KCNJ6: variants seen among roughly 807,000 people sequenced by gnomAD.
KCNJ6 encodes G protein-activated inward rectifier potassium channel 2.
A neutral mutation model predicts 34.2 loss-of-function variants in KCNJ6; 9 were observed. The ratio of observed to expected loss-of-function variants is 0.26; its 90% confidence interval spans 0.16 to 0.46. KCNJ6 has a LOEUF of 0.46. KCNJ6 is among the 20% of genes least tolerant of loss of function. KCNJ6 has a pLI of 1.00. For synonymous variants in KCNJ6, 196 were observed against 207.1 expected (o/e 0.95, Z 0.46); for missense variants, 236 against 531.3 (o/e 0.44, Z 5.46).
chr21:37,909,313 T>TAAAAAC (rs796858575), intron 1 of KCNJ6, among the ~76,000 whole-genome samples: 44 of 151,968 alleles, frequency 2.9e-4, no homozygotes, highest in African/African-American at 9.2e-4. Flanking sequence ...AATAAATGAA[T>TAAAAAC]AAAAACATCT....
chr21:37,636,493 C>T (rs930713808), intron 3 of KCNJ6, among the ~76,000 whole-genome samples: 1 of 152,210 alleles, frequency 6.6e-6, no homozygotes, highest in African/African-American at 2.4e-5. Context: ...CCTAGTTATT[C>T]TTCCAAGAGT....
chr21:37,758,021 TG>T (rs1324497204), intron 2 of KCNJ6, among the ~76,000 whole-genome samples: 2 of 152,152 alleles, frequency 1.3e-5, no homozygotes, highest in African/African-American at 4.8e-5. Context: ...AGGGTGTCAC[TG>T]GGTGGGTTGA....
chr21:37,882,203 T>C (rs769796555), intron 1 of KCNJ6, among the ~76,000 whole-genome samples: 1 of 152,190 alleles, frequency 6.6e-6, no homozygotes, highest in African/African-American at 2.4e-5. Context: ...GGATGGTTTT[T>C]CTGTCCTGTT....
intron 1 of KCNJ6, among the ~76,000 whole-genome samples, chr21:37,868,236 A>C (rs115172747): frequency 6.6e-6 from 1 of 152,216 alleles, no homozygotes; most frequent in Non-Finnish European, 1.5e-5. Context: ...ATTAATATAC[A>C]TGACTACAGC....
chr21:37,762,749 C>T (rs934058144), intron 2 of KCNJ6, among the ~76,000 whole-genome samples: 3 of 152,096 alleles, frequency 2.0e-5, no homozygotes, highest in Non-Finnish European at 4.4e-5. Flanking sequence ...AGCTGTGGCT[C>T]CCAGGCCAGC....
intron 2 of KCNJ6, among the ~76,000 whole-genome samples, chr21:37,741,841 T>G (rs2054942705): frequency 1.3e-5 from 2 of 152,230 alleles, no homozygotes; most frequent in South Asian, 4.1e-4. Context: ...AAGCCTTTCC[T>G]CATGGTCCCT....
At chr21:37,644,815 T>C (rs971228333) in intron 3 of KCNJ6, among the ~76,000 whole-genome samples, 7 of 152,176 alleles carry the variant, frequency 4.6e-5, no homozygotes, top group African/African-American at 1.7e-4. Context: ...TAATAGCCTG[T>C]CAAAAGGAAA....
intron 3 of KCNJ6, among the ~76,000 whole-genome samples, chr21:37,662,072 G>A (rs1482852680): frequency 2.6e-5 from 4 of 152,116 alleles, no homozygotes; most frequent in Non-Finnish European, 4.4e-5. Context: ...TTGCAGTCTT[G>A]TGATCAGAGA....
At chr21:37,808,755 G>A (rs189897316) in intron 2 of KCNJ6, among the ~76,000 whole-genome samples, 1 of 152,276 alleles carries the variant, frequency 6.6e-6, no homozygotes, top group East Asian at 1.9e-4. Flanking sequence ...ACATACAAAG[G>A]GGCATTGGCT....
At chr21:37,888,832 A>G (rs2055748225) in intron 1 of KCNJ6, among the ~76,000 whole-genome samples, 1 of 152,252 alleles carries the variant, frequency 6.6e-6, no homozygotes, top group Non-Finnish European at 1.5e-5. Flanking sequence ...GTGCACCAGC[A>G]GAGGTGTGTG....
chr21:37,732,976 T>C (rs1016831107), intron 2 of KCNJ6, among the ~76,000 whole-genome samples: 4 of 152,222 alleles, frequency 2.6e-5, no homozygotes, highest in South Asian at 4.1e-4. Flanking sequence ...AAGGGTATTT[T>C]CCCTGCTCTA....
intron 2 of KCNJ6, among the ~76,000 whole-genome samples, chr21:37,773,268 T>C (rs2835953): frequency 0.38 from 57,505 of 152,036 alleles, 11,419 homozygotes; most frequent in African/African-American, 0.48. Context: ...TCTCTGGACA[T>C]TTCTGTAGCA....
chr21:37,852,282 G>A, intron 1 of KCNJ6, among the ~76,000 whole-genome samples: 1 of 151,664 alleles, frequency 6.6e-6, no homozygotes, highest in Non-Finnish European at 1.5e-5. Context: ...CCTCCACACG[G>A]TTCTGGTAAT....
chr21:37,655,218 TGTGTGTGAGAGAGAGAGAGAGAGAGAGA>T (rs2054455245), intron 3 of KCNJ6, among the ~76,000 whole-genome samples: 6 of 13,882 alleles, frequency 4.3e-4, no homozygotes, highest in East Asian at 0.011. Flanking sequence ...TGTGTGTGTG[TGTGTGTGAGAGAGAGAGAGAGAGAGAGA>T]GAGAGAGAGA....
chr21:37,826,198 TC>T (rs2055398314), intron 2 of KCNJ6, among the ~76,000 whole-genome samples: 1 of 138,710 alleles, frequency 7.2e-6, no homozygotes, highest in Admixed American at 7.0e-5. Context: ...TCAATAATAA[TC>T]CAGTATAGAA....
intron 2 of KCNJ6, among the ~76,000 whole-genome samples, chr21:37,833,322 C>T (rs1007766971): frequency 2.0e-5 from 3 of 152,146 alleles, no homozygotes; most frequent in African/African-American, 7.2e-5. Flanking sequence ...GCTGACTTCT[C>T]GGAATTTCTA....
At chr21:37,809,450 C>T (rs947124804) in intron 2 of KCNJ6, among the ~76,000 whole-genome samples, 4 of 151,804 alleles carry the variant, frequency 2.6e-5, no homozygotes, top group African/African-American at 9.7e-5. Context: ...GGGTGCAGCA[C>T]ACCAACATGG....
At chr21:37,898,483 G>A (rs990261916) in intron 1 of KCNJ6, among the ~76,000 whole-genome samples, 1 of 151,754 alleles carries the variant, frequency 6.6e-6, no homozygotes, top group Admixed American at 6.6e-5. Context: ...CTGGGAGGCT[G>A]AGGCAGAAGA....
intron 1 of KCNJ6, among the ~76,000 whole-genome samples, chr21:37,901,029 C>T (rs376601032): frequency 1.3e-5 from 2 of 150,942 alleles, no homozygotes; most frequent in Non-Finnish European, 1.5e-5. Flanking sequence ...TTCTCTCCTT[C>T]CTGCCTTTCT....
Sources: allele counts gnomAD v4.1 joint callset (sites outside exome capture counted in the v4.1 genomes callset), GRCh38; gene constraint gnomAD v4.1.1; transcripts MANE v1.5; gene names NCBI Gene and HGNC (gene_info 2026-07-23, HGNC 2026-07-21).